Variants in LYPD2 observed in about 807,000 individuals in gnomAD.
LYPD2 encodes LY6/PLAUR domain containing 2.
LYPD2 carries 5 observed loss-of-function variants against 7.1 expected under a neutral mutation model. The ratio of observed to expected loss-of-function variants is 0.70; its 90% CI spans 0.37 to 1.48. The LOEUF (loss-of-function observed/expected upper bound fraction) is 1.48, where lower values mean the gene tolerates loss of function less well. Ranked by LOEUF, LYPD2 falls within the 40% of genes most tolerant of loss-of-function variation. LYPD2 has a pLI of 0.03. For missense variants in LYPD2, 177 were observed against 171.0 expected (o/e 1.04, Z -0.20); for synonymous variants, 78 against 82.0 (o/e 0.95, Z 0.26).
chr8:142,752,282 G>C, intron 1 of LYPD2, 112 bp downstream of exon 1: 1 of 1,254,032 alleles, frequency 8.0e-7, no homozygotes. Flanking sequence ...CCACAGCTCT[G>C]GCTTCTCCTG....
intron 1 of LYPD2, among the ~76,000 whole-genome samples, chr8:142,752,072 C>T (rs1020806050): frequency 5.3e-5 from 8 of 152,160 alleles, no homozygotes; most frequent in East Asian, 1.9e-4. Flanking sequence ...TTCCTTCCCC[C>T]GCTCAAGGCC....
In LYPD2 at chr8:142,751,172, TG is replaced by T. The variant is rs1563828895; in HGVS notation, c.59-3del. The T allele has an allele frequency of 6.2e-7, 1 of 1,613,780 alleles. No individual in the cohort carries two copies. The highest frequency in any genetic ancestry group is 2.2e-5 in the East Asian group (1 of 44,884). ...AGACGTAGCAGCGCAGGGCCGGCGCTGGGGAGAAGGGACAAGGGCGGTCAGG... is the reference window on the plus strand; with the variant it reads ...AGACGTAGCAGCGCAGGGCCGGCGCTGGGAGAAGGGACAAGGGCGGTCAGG... On this transcript the variant is annotated splice_region_variant and splice_polypyrimidine_tract_variant and intron_variant, in intron 1 of 2. Transcript: ENST00000359228.
At position 142,750,362 on chromosome 8, in the gene LYPD2, T is replaced by C; in HGVS notation, c.299A>G (p.Asn100Ser). The C allele has an allele frequency of 6.4e-7, 1 of 1,564,782 alleles. No individual in the cohort carries two copies. The highest frequency in any genetic ancestry group is 8.7e-7 in the Non-Finnish European group (1 of 1,154,660). The change falls in exon 3 of 3, where the codon AAT becomes AGT. Residue 100 changes from asparagine (N) to serine (S), a missense_variant. Coordinates refer to ENST00000359228, the MANE Select transcript of LYPD2 (RefSeq NM_205545.3). ...PVSCCNTELC[N>S]VDGAPALNSL... Reference sequence around the variant, plus strand: ...GTTCAGAGCGGGCGCCCCGTCTACATTGCACAGCTCAGTATTGCAGCAGGA... The same window carrying C: ...GTTCAGAGCGGGCGCCCCGTCTACACTGCACAGCTCAGTATTGCAGCAGGA...
intron 1 of LYPD2, among the ~76,000 whole-genome samples, chr8:142,751,638 G>A (rs1447745978): frequency 2.0e-5 from 3 of 152,208 alleles, no homozygotes; most frequent in Non-Finnish European, 2.9e-5. Context: ...GCTGCATCCG[G>A]GCTGTGTCTG....
chr8:142,750,767 G>A (rs62525594), intron 2 of LYPD2, among the ~76,000 whole-genome samples: 28,038 of 152,228 alleles, frequency 0.18, 2,760 homozygotes, highest in East Asian at 0.39. Context: ...AAACGAGGTT[G>A]CAGATATGTT....
Position 142,750,305 on chromosome 8 carries a change from G to A in LYPD2, c.356C>T (p.Pro119Leu), listed in dbSNP as rs1202822952. The change falls in exon 3 of 3, where the codon CCA (proline) becomes CTA (leucine). Residue 119 changes from proline (P) to leucine (L), a missense_variant. Transcript: ENST00000359228. ...SLHCGALTLL[P>L]LLSLRL The stretch of plus-strand genomic sequence containing the variant: ...ACTCTACAGTCGGAGGCTCAAGAGT[G>A]GGAGGAGCGTGAGGGCCCCGCAGTG... 2 of 1,552,692 alleles carry A rather than the reference G, an allele frequency of 1.3e-6. No individual in the cohort carries two copies. The highest frequency in any genetic ancestry group is 1.7e-6 in the Non-Finnish European group (2 of 1,147,952).
At chr8:142,751,770 G>T (rs1259207480) in intron 1 of LYPD2, among the ~76,000 whole-genome samples, 4 of 152,184 alleles carry the variant, frequency 2.6e-5, no homozygotes, top group African/African-American at 9.7e-5. Context: ...GGGTCTGGCT[G>T]GTTCCAGCTG....
At position 142,750,370 on chromosome 8, in the gene LYPD2, C is replaced by G; in HGVS notation, c.291G>C (p.Glu97Asp). The G allele has an allele frequency of 6.4e-7, 1 of 1,567,660 alleles. No homozygotes were observed. Among genetic ancestry groups the G allele is most frequent in the Non-Finnish European group, 8.6e-7 (1 of 1,156,184 alleles). The change falls in exon 3 of 3, where the codon GAG becomes GAC. Residue 97 changes from glutamate (E) to aspartate (D), a missense_variant. By Grantham distance (45) the Glu-to-Asp change is conservative (BLOSUM62 2). Coordinates refer to ENST00000359228, the MANE Select transcript of LYPD2 (RefSeq NM_205545.3). ...QTLPVSCCNTELCNVDGAPAL... is the reference protein window; with the variant it reads ...QTLPVSCCNTDLCNVDGAPAL... ...CGGGCGCCCCGTCTACATTGCACAG[C>G]TCAGTATTGCAGCAGGACACGGGCA...
At position 142,750,390 on chromosome 8, in the gene LYPD2, C is replaced by A; in HGVS notation, c.271G>T (p.Val91Leu). Residue 91 changes from valine to leucine, a missense_variant, in exon 3 of 3, where the codon GTG (valine) becomes TTG (leucine). Coordinates refer to ENST00000359228, the MANE Select transcript of LYPD2 (RefSeq NM_205545.3). ...DVDGIGQTLP[V>L]SCCNTELCNV... ...CACAGCTCAGTATTGCAGCAGGACA[C>A]GGGCAGGGTCTGGCCGATGCCATCC... is the stretch of plus-strand genomic sequence containing the variant. 2 of 1,576,624 alleles carry A rather than the reference C, an allele frequency of 1.3e-6. No homozygotes were observed. The highest frequency in any genetic ancestry group is 1.2e-5 in the South Asian group (1 of 85,806).
chr8:142,750,548 G>T, intron 2 of LYPD2, 66 bp from the exon 3 acceptor site: 1 of 1,479,054 alleles, frequency 6.8e-7, no homozygotes, highest in Non-Finnish European at 9.2e-7. Flanking sequence ...GTCCCTGCCA[G>T]TACCACCTCA....
Position 142,750,202 on chromosome 8 carries a change from C to T in LYPD2, c.*81G>A. On this transcript the variant is annotated 3_prime_UTR_variant, in exon 3 of 3. Transcript: ENST00000359228. The stretch of plus-strand genomic sequence containing the variant: ...GGCAGGTCTGTGCCCAGAAAGGAGA[C>T]TCAGGAGTCCTGGTGCAGGGGGCAC... The T allele has an allele frequency of 7.9e-7, 1 of 1,271,762 alleles. No homozygotes were observed. The highest frequency in any genetic ancestry group is 2.5e-5 in the East Asian group (1 of 39,462). The allele number at this position is 1,271,762 out of a possible 1,614,324, so 78.8% of individuals were successfully genotyped here. A position where few individuals can be genotyped will look rare whatever the true frequency, so the allele number is the denominator to read the frequency against.
chr8:142,751,692 C>T lies in LYPD2; in HGVS notation c.59-522G>A, dbSNP rs940967491. 5.3e-5 allele frequency among the ~76,000 whole-genome samples: 8 copies of T among 152,056 alleles called. No homozygotes were observed. The South Asian group carries it at 1.3e-3, about 24-fold the overall frequency. On this transcript the variant is annotated intron_variant, in intron 1 of 2. Transcript: ENST00000359228. Reference sequence around the variant, plus strand: ...ACAGGGACTTGCAGACCGGCAGGGACGGGGACCGGAGAGGCTCCAATTCCC... The same window carrying T: ...ACAGGGACTTGCAGACCGGCAGGGATGGGGACCGGAGAGGCTCCAATTCCC...
At chr8:142,750,650 G>A (rs759353726) in intron 2 of LYPD2, among the ~76,000 whole-genome samples, 168 bp from the exon 3 acceptor site, 7 of 152,242 alleles carry the variant, frequency 4.6e-5, no homozygotes, top group Non-Finnish European at 7.3e-5. Flanking sequence ...GACGTTGTCC[G>A]GGTGTCTACC....
At chr8:142,751,268 C>G in intron 1 of LYPD2, 98 bp from the exon 2 acceptor site, 1 of 1,520,872 alleles carries the variant, frequency 6.6e-7, no homozygotes, top group Middle Eastern at 1.9e-4. Context: ...GACAGTGACA[C>G]TGGCCAGGGT....
rs1164453963 is a variant in LYPD2 at position 142,750,273 on chromosome 8, G to T, written c.*10C>A. Reference sequence around the variant, plus strand: ...TGGGCCGCATAGGGCCATGGGGGTGGGCGGGGACTCTACAGTCGGAGGCTC... The same window carrying T: ...TGGGCCGCATAGGGCCATGGGGGTGTGCGGGGACTCTACAGTCGGAGGCTC... On this transcript the variant is annotated 3_prime_UTR_variant, in exon 3 of 3. Coordinates refer to ENST00000359228, the MANE Select transcript of LYPD2 (RefSeq NM_205545.3). 1 of 1,549,994 alleles carries T rather than the reference G, an allele frequency of 6.5e-7. No individual in the cohort carries two copies. The highest frequency in any genetic ancestry group is 2.0e-5 in the Admixed American group (1 of 51,014).
chr8:142,750,167 G>A lies in LYPD2; in HGVS notation c.*116C>T. On this transcript the variant is annotated 3_prime_UTR_variant, in exon 3 of 3. Coordinates refer to ENST00000359228, the MANE Select transcript of LYPD2 (RefSeq NM_205545.3). ...GAACGGGGACATCGACGAGGTCAGAGATGCAGCAGGGCAGGTCTGTGCCCA... is the reference window on the plus strand; with the variant it reads ...GAACGGGGACATCGACGAGGTCAGAAATGCAGCAGGGCAGGTCTGTGCCCA... 1 of 844,958 alleles carries A rather than the reference G, an allele frequency of 1.2e-6. No homozygotes were observed. Among genetic ancestry groups the A allele is most frequent in the Non-Finnish European group, 1.9e-6 (1 of 535,538 alleles). The allele number at this position is 844,958 out of a possible 1,614,324, so 52.3% of individuals were successfully genotyped here.
intron 1 of LYPD2, among the ~76,000 whole-genome samples, chr8:142,752,018 C>T (rs950956938): frequency 1.3e-5 from 2 of 152,190 alleles, no homozygotes; most frequent in East Asian, 1.9e-4. Context: ...CACTCCTCTC[C>T]ATCTCTACTG....
intron 2 of LYPD2, 65 bp downstream of exon 2, chr8:142,750,986 T>G: frequency 1.2e-6 from 2 of 1,602,094 alleles, no homozygotes; most frequent in South Asian, 1.1e-5. Context: ...GGGAGTAGAG[T>G]GTGACTGGGC....
rs587736669 is a variant in LYPD2 at position 142,750,979 on chromosome 8, A to G, written c.178+72T>C. On this transcript the variant is annotated intron_variant, in intron 2 of 2. Coordinates refer to ENST00000359228, the MANE Select transcript of LYPD2 (RefSeq NM_205545.3). ...CGTGCTCACTGCCCTATCTCCTGGG[A>G]GTAGAGTGTGACTGGGCTGGAGGTG... 4.4e-6 allele frequency: 7 copies of G among 1,599,694 alleles called. No homozygotes were observed. The African/African-American group carries it at 8.0e-5, about 18-fold the overall frequency.
Sources: allele counts gnomAD v4.1 joint callset (sites outside exome capture counted in the v4.1 genomes callset), GRCh38; gene constraint gnomAD v4.1.1; transcripts MANE v1.5; gene names NCBI Gene and HGNC (gene_info 2026-07-23, HGNC 2026-07-21).